The following FSTL5 variants were observed in gnomAD, a reference collection of about 807,000 sequenced individuals.
The protein encoded by FSTL5 is follistatin like 5.
A neutral mutation model predicts 89.1 loss-of-function variants in FSTL5; 62 were observed. That is an observed-to-expected ratio of 0.70 (90% CI 0.57 to 0.86). FSTL5 has a LOEUF of 0.86. FSTL5 is among the 40% of genes least tolerant of loss of function. The pLI is 0.00. For synonymous variants in FSTL5, 383 were observed against 346.2 expected, an observed-to-expected ratio of 1.11 and a Z score of -1.18; for missense variants, 1,057 against 1,001.6, an observed-to-expected ratio of 1.06 and a Z score of -0.75.
At chr4:161,500,895 A>G (rs1730270736) in intron 11 of FSTL5, among the ~76,000 whole-genome samples, 1 of 152,100 alleles carries the variant, frequency 6.6e-6, no homozygotes, top group African/African-American at 2.4e-5. Context: ...TCAAAGCCTG[A>G]GCCCAGGGAA....
intron 6 of FSTL5, among the ~76,000 whole-genome samples, chr4:161,734,573 A>G (rs781426059): frequency 1.6e-4 from 25 of 152,336 alleles, no homozygotes; most frequent in Non-Finnish European, 3.2e-4. Context: ...CAGCTTAAGA[A>G]TATACATTAA....
At chr4:161,842,319 A>C (rs1193967529) in intron 4 of FSTL5, among the ~76,000 whole-genome samples, 3 of 152,120 alleles carry the variant, frequency 2.0e-5, no homozygotes, top group Non-Finnish European at 4.4e-5. Context: ...TAACTATGAG[A>C]CTAAGAGTGA....
chr4:162,120,886 TAGAATTTCTAAAGTCAACTG>T (rs1461119955), intron 1 of FSTL5, among the ~76,000 whole-genome samples: 1 of 152,026 alleles, frequency 6.6e-6, no homozygotes, highest in Admixed American at 6.5e-5. Context: ...TACTACTCAC[TAGAATTTCTAAAGTCAACTG>T]AAAGGACATC....
chr4:161,529,282 T>C (rs1325716664), intron 10 of FSTL5, among the ~76,000 whole-genome samples: 1 of 141,464 alleles, frequency 7.1e-6, no homozygotes, highest in Non-Finnish European at 1.5e-5. Context: ...TTTAAAAATA[T>C]AGTCTTCATA....
At chr4:161,845,258 G>A (rs1213637971) in intron 4 of FSTL5, among the ~76,000 whole-genome samples, 1 of 149,872 alleles carries the variant, frequency 6.7e-6, no homozygotes, top group Non-Finnish European at 1.5e-5. Flanking sequence ...ATAAAACATT[G>A]TTGTTTTTTT....
intron 1 of FSTL5, among the ~76,000 whole-genome samples, chr4:162,131,842 T>C (rs1031040331): frequency 2.0e-5 from 3 of 152,198 alleles, no homozygotes; most frequent in East Asian, 1.9e-4. Context: ...ATACCATATT[T>C]ACACTTATCA....
intron 2 of FSTL5, among the ~76,000 whole-genome samples, chr4:162,081,814 TCTCTCA>T (rs1205874123): frequency 9.3e-5 from 14 of 150,720 alleles, no homozygotes; most frequent in Non-Finnish European, 1.9e-4. Context: ...TCTCTCTCTC[TCTCTCA>T]CACACACACA....
Position 161,500,013 on chromosome 4 carries a change from T to C in FSTL5, c.1458+3A>G. On this transcript the variant is annotated splice_donor_region_variant and intron_variant, in intron 12 of 15. Coordinates refer to ENST00000306100, the MANE Select transcript of FSTL5 (RefSeq NM_020116.5). ...ACGTCAAAGGAACTTTTTAGATACT[T>C]GCCTGAAATCCAAGGAGCTTTTCAC... The C allele has an allele frequency of 6.4e-7, 1 of 1,553,860 alleles. No homozygotes were observed. The highest frequency in any genetic ancestry group is 8.9e-7 in the Non-Finnish European group (1 of 1,129,806).
At chr4:162,099,732 A>T (rs1017090543) in intron 2 of FSTL5, among the ~76,000 whole-genome samples, 13 of 152,248 alleles carry the variant, frequency 8.5e-5, no homozygotes, top group Non-Finnish European at 1.5e-4. Context: ...AACAAAAAGA[A>T]AACTGACAAC....
chr4:162,094,629 A>T (rs1730677611), intron 2 of FSTL5, among the ~76,000 whole-genome samples: 1 of 152,196 alleles, frequency 6.6e-6, no homozygotes, highest in Non-Finnish European at 1.5e-5. Context: ...TACCTACTGT[A>T]GGATTCTATT....
chr4:162,150,236 G>A (rs1733174933), intron 1 of FSTL5, among the ~76,000 whole-genome samples: 1 of 152,100 alleles, frequency 6.6e-6, no homozygotes, highest in South Asian at 2.1e-4. Flanking sequence ...AGTTTACATG[G>A]AAAATATAAC....
At chr4:161,552,352 C>T (rs1157256707) in intron 8 of FSTL5, 1 of 151,762 alleles carries the variant, frequency 6.6e-6, no homozygotes, top group Non-Finnish European at 1.5e-5. Flanking sequence ...TTGCAACAGT[C>T]TTTGGAGCAG....
chr4:161,900,182 G>A (rs572938462), intron 4 of FSTL5, among the ~76,000 whole-genome samples: 6 of 152,080 alleles, frequency 3.9e-5, no homozygotes, highest in South Asian at 2.1e-4. Context: ...GTGACAGAGC[G>A]AGGCTCTGTC....
chr4:161,793,914 A>G (rs1416782950), intron 4 of FSTL5, among the ~76,000 whole-genome samples: 1 of 152,102 alleles, frequency 6.6e-6, no homozygotes, highest in African/African-American at 2.4e-5. Flanking sequence ...TGGCCAAGAA[A>G]CCATTTATAA....
intron 15 of FSTL5, among the ~76,000 whole-genome samples, chr4:161,439,808 AT>A (rs1226782733): frequency 2.0e-5 from 3 of 152,246 alleles, no homozygotes; most frequent in African/African-American, 4.8e-5. Flanking sequence ...ATACTTTCAA[AT>A]TTTTTATGCA....
At chr4:161,527,687 A>G (rs1441363499) in intron 10 of FSTL5, among the ~76,000 whole-genome samples, 12 of 151,646 alleles carry the variant, frequency 7.9e-5, no homozygotes, top group African/African-American at 2.9e-4. Flanking sequence ...ACACTTTTAC[A>G]CTGTTGGTGG....
chr4:162,138,737 G>A (rs1158730367), intron 1 of FSTL5, among the ~76,000 whole-genome samples: 2 of 152,008 alleles, frequency 1.3e-5, no homozygotes, highest in Non-Finnish European at 2.9e-5. Context: ...AATCCTAAAT[G>A]TATTTTTGTT....
intron 3 of FSTL5, among the ~76,000 whole-genome samples, chr4:161,932,633 C>T (rs372578129): frequency 6.6e-6 from 1 of 151,786 alleles, no homozygotes; most frequent in Non-Finnish European, 1.5e-5. Flanking sequence ...TTATTTATAT[C>T]CTATAGCTCT....
intron 4 of FSTL5, among the ~76,000 whole-genome samples, chr4:161,845,143 T>G (rs1204124528): frequency 1.3e-5 from 2 of 152,178 alleles, no homozygotes; most frequent in Non-Finnish European, 2.9e-5. Flanking sequence ...ATCTTCAAAT[T>G]GCATACCCAA....
Sources: gnomAD v4.1 joint callset for allele counts (sites outside exome capture counted in the v4.1 genomes callset) on GRCh38, gnomAD v4.1.1 for gene constraint, MANE v1.5 for transcripts, NCBI Gene and HGNC (gene_info 2026-07-23, HGNC 2026-07-21) for gene names.